The following PCLO variants were observed in gnomAD, a reference collection of about 807,000 sequenced individuals.
The protein encoded by PCLO is piccolo presynaptic cytomatrix protein.
Under a neutral mutation model 427.5 loss-of-function variants are expected in PCLO, and 82 were observed. The ratio of observed to expected loss-of-function variants is 0.19; its 90% CI spans 0.16 to 0.23. The LOEUF (loss-of-function observed/expected upper bound fraction) is 0.23. Among genes scored for constraint, PCLO ranks in the 10% least tolerant of loss-of-function variants. The pLI is 1.00. For missense variants in PCLO, 6,239 were observed against 6,115.9 expected (o/e 1.02, Z -0.67); for synonymous variants, 2,357 against 2,155.4 (o/e 1.09, Z -2.59).
At chr7:82,763,423 G>A (rs1436377088) in intron 22 of PCLO, among the ~76,000 whole-genome samples, 2 of 151,990 alleles carry the variant, frequency 1.3e-5, no homozygotes, top group East Asian at 1.9e-4. Flanking sequence ...ACCACATTTC[G>A]AGAATCAGTG....
rs1261672852 is a variant in PCLO at position 83,038,097 on chromosome 7, A to T, written c.3301-71610T>A. ...TTTATATATATATCTTTATATATAT[A>T]TATTTATATATGTATATATATGCAC... On this transcript the variant is annotated intron_variant, in intron 3 of 24. Transcript: ENST00000333891. Among the ~76,000 whole-genome samples, 2 of 116,308 alleles carry T rather than the reference A, an allele frequency of 1.7e-5. 1 individual carries two copies. The highest frequency in any genetic ancestry group is 6.4e-5 in the African/African-American group (2 of 31,322). The allele number at this position is 116,308 out of a possible 152,430, so 76.3% of individuals were successfully genotyped here. A position where few individuals can be genotyped will look rare whatever the true frequency, so the allele number is the denominator to read the frequency against.
At chr7:82,826,516 A>G (rs1791947228) in intron 18 of PCLO, 73 bp downstream of exon 18, 5 of 971,678 alleles carry the variant, frequency 5.1e-6, no homozygotes, top group Admixed American at 2.1e-5. Context: ...AACTTCAGAA[A>G]CATGCTTTGC....
At chr7:82,904,011 C>G (rs1269200666) in intron 8 of PCLO, among the ~76,000 whole-genome samples, 1 of 151,802 alleles carries the variant, frequency 6.6e-6, no homozygotes, top group Admixed American at 6.6e-5. Context: ...CTTAAGCAGG[C>G]CTTAGATTAA....
chr7:83,095,546 T>G (rs1401770930), intron 3 of PCLO, among the ~76,000 whole-genome samples: 1 of 151,982 alleles, frequency 6.6e-6, no homozygotes, highest in Non-Finnish European at 1.5e-5. Context: ...GTTTTCTCTT[T>G]TATAATGTAG....
At chr7:83,095,536 G>A (rs1442667283) in intron 3 of PCLO, among the ~76,000 whole-genome samples, 1 of 151,228 alleles carries the variant, frequency 6.6e-6, no homozygotes, top group Non-Finnish European at 1.5e-5. Context: ...AATCTGAGAC[G>A]TTTTCTCTTT....
chr7:82,765,628 C>T (rs770502342), intron 22 of PCLO, among the ~76,000 whole-genome samples: 14 of 151,818 alleles, frequency 9.2e-5, no homozygotes, highest in Non-Finnish European at 1.5e-4. Context: ...ATGAATATAC[C>T]CTAATACTAA....
At chr7:83,096,475 A>G (rs1790540042) in intron 3 of PCLO, among the ~76,000 whole-genome samples, 1 of 151,950 alleles carries the variant, frequency 6.6e-6, no homozygotes, top group Non-Finnish European at 1.5e-5. Context: ...ATGATACTAA[A>G]TACCTCAAAG....
intron 3 of PCLO, among the ~76,000 whole-genome samples, chr7:83,123,832 C>T (rs991894132): frequency 1.4e-4 from 22 of 152,014 alleles, no homozygotes; most frequent in African/African-American, 3.9e-4. Flanking sequence ...TGGCTCACGC[C>T]TGTGATCCCA....
intron 6 of PCLO, among the ~76,000 whole-genome samples, chr7:82,918,163 GT>G: frequency 6.6e-6 from 1 of 151,878 alleles, no homozygotes; most frequent in East Asian, 1.9e-4. Flanking sequence ...GCGGTAGTTT[GT>G]TTTTCCTCAT....
chr7:82,998,044 C>G, intron 3 of PCLO, among the ~76,000 whole-genome samples: 1 of 152,020 alleles, frequency 6.6e-6, no homozygotes, highest in South Asian at 2.1e-4. Context: ...CACAAATACT[C>G]TCAAAATTGG....
chr7:82,914,464 A>C (rs539094237), intron 7 of PCLO: 4 of 619,074 alleles, frequency 6.5e-6, no homozygotes, highest in Non-Finnish European at 1.1e-5. Context: ...ACAATCAAGA[A>C]ACAGAACAAT....
At chr7:83,127,051 T>C (rs1791455016) in intron 3 of PCLO, among the ~76,000 whole-genome samples, 1 of 152,070 alleles carries the variant, frequency 6.6e-6, no homozygotes, top group Non-Finnish European at 1.5e-5. Flanking sequence ...ACAATGTAAA[T>C]TATATGTACA....
At chr7:82,923,901 T>A (rs753510571) in intron 6 of PCLO, among the ~76,000 whole-genome samples, 23 of 152,024 alleles carry the variant, frequency 1.5e-4, no homozygotes, top group Admixed American at 3.9e-4. Flanking sequence ...TATTGTTAGA[T>A]GTTTAGTTGC....
At chr7:83,016,405 T>A (rs1335812032) in intron 3 of PCLO, among the ~76,000 whole-genome samples, 1 of 152,192 alleles carries the variant, frequency 6.6e-6, no homozygotes, top group Non-Finnish European at 1.5e-5. Context: ...GAGGGTCGCT[T>A]ATATTTTGAG....
chr7:83,050,208 G>GAAAAAAAAAAA (rs556193471), intron 3 of PCLO, among the ~76,000 whole-genome samples: 3 of 5,458 alleles, frequency 5.5e-4, no homozygotes, highest in Non-Finnish European at 7.2e-4. Context: ...CTGAAAAACT[G>GAAAAAAAAAAA]AAAAAAAAAA....
At chr7:82,847,328 G>A (rs1792530375) in intron 10 of PCLO, 81 bp from the exon 11 acceptor site, 1 of 739,692 alleles carries the variant, frequency 1.4e-6, no homozygotes, top group African/African-American at 1.8e-5. Flanking sequence ...ACATTTATTT[G>A]CATTTAGAAG....
At chr7:82,775,064 G>C (rs1790721406) in intron 22 of PCLO, among the ~76,000 whole-genome samples, 1 of 151,938 alleles carries the variant, frequency 6.6e-6, no homozygotes, top group Non-Finnish European at 1.5e-5. Context: ...TAGCTTTATA[G>C]CTCATTCTTT....
intron 3 of PCLO, among the ~76,000 whole-genome samples, chr7:83,018,564 T>C (rs753764236): frequency 2.0e-5 from 3 of 152,172 alleles, no homozygotes; most frequent in East Asian, 3.9e-4. Flanking sequence ...AATTATATAG[T>C]TTTATAATGC....
chr7:82,858,100 G>A (rs188583538), intron 10 of PCLO, among the ~76,000 whole-genome samples: 54 of 151,988 alleles, frequency 3.6e-4, no homozygotes, highest in East Asian at 2.9e-3. Context: ...ATTCAACAGC[G>A]CATTAAAATG....
Sources: gnomAD v4.1 joint callset for allele counts (sites outside exome capture counted in the v4.1 genomes callset) on GRCh38, gnomAD v4.1.1 for gene constraint, MANE v1.5 for transcripts, NCBI Gene and HGNC (gene_info 2026-07-23, HGNC 2026-07-21) for gene names.